NVL: variants seen among roughly 807,000 people sequenced by gnomAD.
NVL encodes nuclear valosin-containing protein-like.
Under a neutral mutation model 110.2 loss-of-function variants are expected in NVL, and 84 were observed. That is an observed-to-expected ratio of 0.76 (90% confidence interval 0.64 to 0.91). NVL has a LOEUF of 0.91. Among genes scored for constraint, NVL ranks in the 40% least tolerant of loss-of-function variants. The probability of loss-of-function intolerance (pLI) is 0.00; values close to 1 mark genes in which losing one functional copy is unlikely to be tolerated. For missense variants in NVL, 882 were observed against 1,035.9 expected (o/e 0.85, Z 2.04); for synonymous variants, 354 against 361.1 (o/e 0.98, Z 0.22).
chr1:224,235,180 T>G (rs1427744106), intron 20 of NVL, among the ~76,000 whole-genome samples: 6 of 152,134 alleles, frequency 3.9e-5, no homozygotes, highest in Admixed American at 2.0e-4. Flanking sequence ...TTTATTTTTA[T>G]TTTTTGAGAT....
chr1:224,294,042 C>A (rs980657793), intron 12 of NVL, among the ~76,000 whole-genome samples: 1 of 152,202 alleles, frequency 6.6e-6, no homozygotes, highest in Non-Finnish European at 1.5e-5. Context: ...TCAAGTGATC[C>A]TCCTGCCTCG....
chr1:224,311,873 G>A lies in NVL; in HGVS notation c.285-16C>T, dbSNP rs1669559359. On this transcript the variant is annotated splice_polypyrimidine_tract_variant and intron_variant, in intron 4 of 22. Coordinates refer to ENST00000281701, the MANE Select transcript of NVL (RefSeq NM_002533.4). ...TTCAGTATACCTCAGTAAAAGGAGGGAAAAATGTTTTAAAGACTTTCTCTC... is the reference window on the plus strand; with the variant it reads ...TTCAGTATACCTCAGTAAAAGGAGGAAAAAATGTTTTAAAGACTTTCTCTC... 2.5e-6 allele frequency: 4 copies of A among 1,601,576 alleles called. No individual in the cohort carries two copies. In the African/African-American group the frequency reaches 4.0e-5, roughly 16 times the overall value.
intron 10 of NVL, 32 bp downstream of exon 10, chr1:224,300,530 G>A: frequency 6.6e-7 from 1 of 1,522,526 alleles, no homozygotes. Flanking sequence ...GGTAGCGTCT[G>A]ACCACCTGGC....
intron 17 of NVL, among the ~76,000 whole-genome samples, chr1:224,274,035 A>AACACAC (rs1224878158): frequency 0.069 from 10,007 of 145,594 alleles, 1,067 homozygotes; most frequent in African/African-American, 0.23. Flanking sequence ...ATGACCTAAC[A>AACACAC]ACACACACAC....
chr1:224,248,424 T>C (rs191988916), intron 19 of NVL, among the ~76,000 whole-genome samples: 34 of 152,206 alleles, frequency 2.2e-4, no homozygotes, highest in African/African-American at 8.2e-4. Context: ...TGTGCATCAA[T>C]AGAATCTTTC....
chr1:224,249,035 C>A lies in NVL; in HGVS notation c.2289+1177G>T, dbSNP rs529011337. Among the ~76,000 whole-genome samples, 29 of 152,342 alleles carry A rather than the reference C, an allele frequency of 1.9e-4. No homozygotes were observed. In the South Asian group the frequency reaches 6.0e-3, roughly 32 times the overall value. ...CCACCAGCTTAGCTCCCTCTCCCAT[C>A]CCAAGGCTATAGAAATGTAGAAACA... On this transcript the variant is annotated intron_variant, in intron 19 of 22. Transcript: ENST00000281701.
Position 224,313,367 on chromosome 1 carries a change from A to C in NVL, c.285-1510T>G, listed in dbSNP as rs146934166. Among the ~76,000 whole-genome samples, 1,380 of 152,152 alleles carry C rather than the reference A, an allele frequency of 9.1e-3. 18 individuals are homozygous for C. The highest frequency in any genetic ancestry group is 0.031 in the African/African-American group (1,274 of 41,552). On this transcript the variant is annotated intron_variant, in intron 4 of 22. Coordinates refer to ENST00000281701, the MANE Select transcript of NVL (RefSeq NM_002533.4). ...GTTAAACATAAAGAAAGAAGAAAAA[A>C]GTGTAAGTAATTATTTTACACACTC...
intron 17 of NVL, among the ~76,000 whole-genome samples, chr1:224,270,888 C>G (rs1310782866): frequency 6.6e-6 from 1 of 152,136 alleles, no homozygotes; most frequent in Non-Finnish European, 1.5e-5. Flanking sequence ...GTTATTTTCA[C>G]ACACTGTTGG....
rs753106429 is a variant in NVL at position 224,286,120 on chromosome 1, C to T, written c.1805G>A (p.Arg602His). 3.5e-5 allele frequency: 56 copies of T among 1,612,716 alleles called. No individual in the cohort carries two copies. The highest frequency in any genetic ancestry group is 2.5e-4 in the Admixed American group (15 of 59,942). Residue 602 changes from arginine to histidine, a missense_variant, in exon 15 of 23, where the codon CGC becomes CAC. Physicochemically the swap from Arg to His is conservative, Grantham distance 29 (BLOSUM62 0). Transcript: ENST00000281701. The part of the protein sequence containing the change: ...ELTMAILAPV[R>H]NPDQFKALGL... ...AAGAGCTTTGAACTGGTCTGGGTTG[C>T]GTACTGGTGCCTGGAAATAATGATA... is the stretch of plus-strand genomic sequence containing the variant.
At chr1:224,320,453 C>T (rs2102780982) in intron 2 of NVL, among the ~76,000 whole-genome samples, 1 of 152,206 alleles carries the variant, frequency 6.6e-6, no homozygotes, top group East Asian at 1.9e-4. Flanking sequence ...TCGAAACTAG[C>T]CTGGCCAACA....
intron 19 of NVL, among the ~76,000 whole-genome samples, chr1:224,240,597 T>A (rs543148817): frequency 6.6e-6 from 1 of 152,288 alleles, no homozygotes; most frequent in East Asian, 1.9e-4. Flanking sequence ...AAAAATCTTT[T>A]GTGAAAGAAA....
At chr1:224,246,763 T>C (rs546952213) in intron 19 of NVL, among the ~76,000 whole-genome samples, 3 of 152,232 alleles carry the variant, frequency 2.0e-5, no homozygotes, top group East Asian at 1.9e-4. Flanking sequence ...AGGCCGGGCA[T>C]GGTGGCTCAC....
At position 224,319,557 on chromosome 1, in the gene NVL, T is replaced by G. The variant is rs551774054; in HGVS notation, c.132-1627A>C. 3.9e-5 allele frequency among the ~76,000 whole-genome samples: 6 copies of G among 152,254 alleles called. No homozygotes were observed. The South Asian group carries it at 1.2e-3, about 32-fold the overall frequency. On this transcript the variant is annotated intron_variant, in intron 2 of 22. Coordinates refer to ENST00000281701, the MANE Select transcript of NVL (RefSeq NM_002533.4). ...GTCAAGGTTCATGCATTTACTTGGT[T>G]GTTGTGTCTCTTTGGACTCTTTTAA...
chr1:224,259,825 T>A (rs1303525495), intron 18 of NVL, among the ~76,000 whole-genome samples: 3 of 151,116 alleles, frequency 2.0e-5, no homozygotes, highest in Non-Finnish European at 4.4e-5. Flanking sequence ...CAGCTAACTT[T>A]TTTTTTTTTT....
At chr1:224,257,650 C>T (rs1663443331) in intron 18 of NVL, among the ~76,000 whole-genome samples, 1 of 152,080 alleles carries the variant, frequency 6.6e-6, no homozygotes, top group African/African-American at 2.4e-5. Flanking sequence ...GCCATAGCCT[C>T]CCAAGTAGCT....
intron 19 of NVL, among the ~76,000 whole-genome samples, chr1:224,248,938 G>A (rs953035550): frequency 6.6e-6 from 1 of 152,194 alleles, no homozygotes; most frequent in East Asian, 1.9e-4. Context: ...GCTCCCATGG[G>A]GGGAGGTATC....
Position 224,322,135 on chromosome 1 carries a change from C to G in NVL, c.132-4205G>C, listed in dbSNP as rs572981737. Among the ~76,000 whole-genome samples the G allele has an allele frequency of 2.6e-5, 4 of 152,230 alleles. No individual in the cohort carries two copies. The South Asian group carries it at 6.2e-4, about 24-fold the overall frequency. ...TTGCTCTGTCACCCACGCTTCAGTG[C>G]AGCGGTGCAATCGTAGCTCACTGCA... On this transcript the variant is annotated intron_variant, in intron 2 of 22. Coordinates refer to ENST00000281701, the MANE Select transcript of NVL (RefSeq NM_002533.4).
intron 1 of NVL, among the ~76,000 whole-genome samples, chr1:224,326,696 T>C (rs1184249160): frequency 2.6e-5 from 4 of 152,186 alleles, no homozygotes; most frequent in East Asian, 1.9e-4. Context: ...AGAATAGTTA[T>C]AAGGCAGTAA....
chr1:224,278,922 C>T (rs1288097665), intron 16 of NVL, among the ~76,000 whole-genome samples: 1 of 152,098 alleles, frequency 6.6e-6, no homozygotes, highest in Non-Finnish European at 1.5e-5. Flanking sequence ...GAGACAGGGT[C>T]TCACTATGTT....
Sources: allele counts gnomAD v4.1 joint callset (sites outside exome capture counted in the v4.1 genomes callset), GRCh38; gene constraint gnomAD v4.1.1; transcripts MANE v1.5; gene names NCBI Gene and HGNC (gene_info 2026-07-23, HGNC 2026-07-21).